The following RGMB variants were observed in gnomAD, a reference collection of about 807,000 sequenced individuals.
The protein encoded by RGMB is repulsive guidance molecule B.
In RGMB, 16 loss-of-function variants were observed where a neutral mutation model predicts 26.9. The observed-to-expected ratio is 0.60, with a 90% CI of 0.40 to 0.90. The LOEUF is 0.90. Ranked by LOEUF, RGMB falls within the 40% of genes least tolerant of loss-of-function variation. RGMB has a pLI of 0.00. For synonymous variants in RGMB, 225 were observed against 229.3 expected (o/e 0.98, Z 0.17); for missense variants, 512 against 573.3 (o/e 0.89, Z 1.09).
intron 2 of RGMB, among the ~76,000 whole-genome samples, chr5:98,790,235 CT>C (rs747391597): frequency 2.0e-5 from 3 of 152,198 alleles, no homozygotes; most frequent in African/African-American, 4.8e-5. Flanking sequence ...CTACAAGGGA[CT>C]ACTCAGGAAA....
chr5:98,772,476 G>A (rs1271539982), upstream of RGMB: 2 of 152,176 alleles, frequency 1.3e-5, no homozygotes, highest in African/African-American at 4.8e-5. Context: ...GTAACATAGC[G>A]GGTACAGTTG....
chr5:98,774,541 C>G (rs939651513), intron 1 of RGMB, among the ~76,000 whole-genome samples: 5 of 152,206 alleles, frequency 3.3e-5, no homozygotes, highest in Admixed American at 6.5e-5. Flanking sequence ...CTTTATTGCT[C>G]TCTGCGCTGG....
chr5:98,774,152 C>T lies in RGMB; in HGVS notation c.82C>T (p.Pro28Ser), dbSNP rs779193781. ...GCGCCGCAGCCCCGGGCTCTGCCCC[C>T]CGCCGCTGGAGCTGCTGCTGCTGCT... ...EQRRSPGLCP[P>S]PLELLLLLLF... The change falls in exon 1 of 3, where the codon CCG (proline) becomes TCG (serine). Residue 28 changes from proline (P) to serine (S), a missense_variant. Physicochemically the swap from Pro to Ser is moderately conservative, Grantham distance 74. Coordinates refer to ENST00000513185, the MANE Select transcript of RGMB (RefSeq NM_001366508.1). 8 of 1,497,956 alleles carry T rather than the reference C, an allele frequency of 5.3e-6. No homozygotes were observed. In the Admixed American group the frequency reaches 1.3e-4, roughly 24 times the overall value. 92.8% of individuals were successfully genotyped at this position (1,497,956 alleles called of 1,614,324 possible).
chr5:98,790,744 GT>G (rs1437436839), intron 2 of RGMB, among the ~76,000 whole-genome samples: 3 of 152,168 alleles, frequency 2.0e-5, no homozygotes, highest in African/African-American at 7.2e-5. Context: ...CAAAAAAGTA[GT>G]TCTTGCAGAT....
intron 2 of RGMB, among the ~76,000 whole-genome samples, chr5:98,789,705 G>A (rs1746868407): frequency 6.6e-6 from 1 of 152,040 alleles, no homozygotes; most frequent in Non-Finnish European, 1.5e-5. Context: ...GGTTGAGAGG[G>A]GCTGGGTGGA....
Position 98,793,238 on chromosome 5 carries a change from C to A in RGMB, c.799C>A (p.His267Asn). 6.2e-7 allele frequency: 1 copy of A among 1,613,988 alleles called. No homozygotes were observed. Among genetic ancestry groups the A allele is most frequent in the Non-Finnish European group, 8.5e-7 (1 of 1,179,888 alleles). ...GCGTATCGTGGAAAGGGAGAGTGGC[C>A]ACTATGTGGAGATGCACGCCCGCTA... is the stretch of plus-strand genomic sequence containing the variant. ...SLRIVERESG[H>N]YVEMHARYIG... Residue 267 changes from histidine (H) to asparagine (N), a missense_variant, in exon 3 of 3, where the codon CAC becomes AAC. Coordinates refer to ENST00000513185, the MANE Select transcript of RGMB (RefSeq NM_001366508.1).
At chr5:98,790,509 G>T (rs1374158283) in intron 2 of RGMB, among the ~76,000 whole-genome samples, 2 of 152,182 alleles carry the variant, frequency 1.3e-5, no homozygotes, top group Non-Finnish European at 2.9e-5. Context: ...AATGTCACTG[G>T]CATAGCAGAG....
Position 98,794,455 on chromosome 5 carries a change from C to G in RGMB, c.*702C>G, listed in dbSNP as rs1267705704. 1 of 152,134 alleles carries G rather than the reference C, an allele frequency of 6.6e-6. No individual in the cohort carries two copies. Among genetic ancestry groups the G allele is most frequent in the Non-Finnish European group, 1.5e-5 (1 of 68,016 alleles). The allele number at this position is 152,134 out of a possible 1,614,324, so 9.4% of individuals were successfully genotyped here. A position where few individuals can be genotyped will look rare whatever the true frequency, so the allele number is the denominator to read the frequency against. Reference sequence around the variant, plus strand: ...GTATTAGGTTGAACCATAGAAACTGCTATTCTCGTAGGTCAAAAGGGTCTA... The same window carrying G: ...GTATTAGGTTGAACCATAGAAACTGGTATTCTCGTAGGTCAAAAGGGTCTA... On this transcript the variant is annotated 3_prime_UTR_variant, in exon 3 of 3. Transcript: ENST00000513185.
chr5:98,777,462 G>A (rs984641012), intron 1 of RGMB, among the ~76,000 whole-genome samples: 4 of 152,080 alleles, frequency 2.6e-5, no homozygotes, highest in African/African-American at 9.7e-5. Flanking sequence ...CAGCCATCAA[G>A]TACTGTCATT....
At chr5:98,770,890 C>T (rs1746140253), upstream of RGMB, 3 of 398,984 alleles carry the variant, frequency 7.5e-6, no homozygotes, top group Non-Finnish European at 1.3e-5. Flanking sequence ...TTTGGGTACA[C>T]AGTGGCCGGG....
chr5:98,781,025 T>G (rs1328092235), intron 2 of RGMB: 1 of 152,364 alleles, frequency 6.6e-6, no homozygotes, highest in Non-Finnish European at 1.5e-5. Context: ...ATTTCTTGCA[T>G]TTATTGTATC....
chr5:98,786,295 G>C (rs1420807571), intron 2 of RGMB, among the ~76,000 whole-genome samples: 1 of 152,192 alleles, frequency 6.6e-6, no homozygotes. Context: ...TGTGAGCCAG[G>C]CAAGATTCCG....
chr5:98,787,492 CCTT>C (rs528788937), intron 2 of RGMB, among the ~76,000 whole-genome samples: 319 of 152,322 alleles, frequency 2.1e-3, no homozygotes, highest in Non-Finnish European at 3.0e-3. Context: ...CTGGCTCTCA[CCTT>C]TCAGAATATT....
intron 1 of RGMB, among the ~76,000 whole-genome samples, chr5:98,776,526 C>T (rs919259769): frequency 9.9e-5 from 15 of 152,172 alleles, no homozygotes; most frequent in Non-Finnish European, 1.8e-4. Context: ...CTTACTTTAC[C>T]GCCTATAACA....
At chr5:98,791,519 T>A (rs1746929224) in intron 2 of RGMB, among the ~76,000 whole-genome samples, 1 of 152,020 alleles carries the variant, frequency 6.6e-6, no homozygotes, top group South Asian at 2.1e-4. Context: ...TTTCTGGTCT[T>A]TTTCACAAGG....
At chr5:98,784,574 T>C (rs1746713203) in intron 2 of RGMB, among the ~76,000 whole-genome samples, 1 of 152,194 alleles carries the variant, frequency 6.6e-6, no homozygotes, top group Admixed American at 6.5e-5. Flanking sequence ...GTGTTCTGGG[T>C]CATTCTTTGT....
chr5:98,771,771 T>A (rs764284374), upstream of RGMB: 1 of 152,152 alleles, frequency 6.6e-6, no homozygotes, highest in African/African-American at 2.4e-5. Context: ...CGTGTACTTA[T>A]GGAACAGGAT....
At chr5:98,776,735 G>A (rs1399622091) in intron 1 of RGMB, among the ~76,000 whole-genome samples, 1 of 122,744 alleles carries the variant, frequency 8.1e-6, no homozygotes, top group African/African-American at 2.5e-5. Flanking sequence ...AAGAACCCCG[G>A]GAGATCTGTT....
At chr5:98,782,085 C>A (rs1746625556) in intron 2 of RGMB, among the ~76,000 whole-genome samples, 1 of 152,174 alleles carries the variant, frequency 6.6e-6, no homozygotes, top group Non-Finnish European at 1.5e-5. Context: ...AAGGTATTTT[C>A]CCACATCTGG....
Sources: gnomAD v4.1 joint callset for allele counts (sites outside exome capture counted in the v4.1 genomes callset) on GRCh38, gnomAD v4.1.1 for gene constraint, MANE v1.5 for transcripts, NCBI Gene and HGNC (gene_info 2026-07-23, HGNC 2026-07-21) for gene names.